The following GABRA1 variants were observed in gnomAD, a reference collection of about 807,000 sequenced individuals.
The protein encoded by GABRA1 is gamma-aminobutyric acid receptor subunit alpha-1.
Under a neutral mutation model 48.9 loss-of-function variants are expected in GABRA1, and 9 were observed. The ratio of observed to expected loss-of-function variants is 0.18; its 90% confidence interval spans 0.11 to 0.32. The LOEUF (loss-of-function observed/expected upper bound fraction) is 0.32. Ranked by LOEUF, GABRA1 falls within the 10% of genes least tolerant of loss-of-function variation. The pLI, the probability that GABRA1 is intolerant of heterozygous loss-of-function variation, is 1.00. For synonymous variants in GABRA1, 210 were observed against 198.7 expected (o/e 1.06, Z -0.48); for missense variants, 285 against 553.8 (o/e 0.51, Z 4.87).
intron 3 of GABRA1, among the ~76,000 whole-genome samples, chr5:161,857,453 T>C (rs1165939397): frequency 6.6e-6 from 1 of 151,554 alleles, no homozygotes; most frequent in East Asian, 1.9e-4. Context: ...GAAAACAAAA[T>C]ATATAACTTG....
intron 7 of GABRA1, among the ~76,000 whole-genome samples, chr5:161,884,132 G>A (rs1301462907): frequency 6.6e-6 from 1 of 152,024 alleles, no homozygotes; most frequent in East Asian, 1.9e-4. Context: ...TTATATAATA[G>A]GTACTCAAAT....
chr5:161,882,201 T>C (rs562335186), intron 6 of GABRA1: 123 of 342,870 alleles, frequency 3.6e-4, no homozygotes, highest in Admixed American at 2.8e-3. Flanking sequence ...TCTATCACAC[T>C]TATCTCTACT....
intron 3 of GABRA1, among the ~76,000 whole-genome samples, chr5:161,859,929 A>G (rs1757789071): frequency 6.6e-6 from 1 of 151,738 alleles, no homozygotes; most frequent in South Asian, 2.1e-4. Flanking sequence ...TTATGTTTTG[A>G]AATTCTACTC....
intron 6 of GABRA1, among the ~76,000 whole-genome samples, chr5:161,878,034 AC>A (rs1481057010): frequency 3.3e-5 from 5 of 152,160 alleles, no homozygotes; most frequent in Non-Finnish European, 5.9e-5. Flanking sequence ...TTATTGGTTA[AC>A]TTTTGTATTG....
At chr5:161,867,694 A>G (rs921553460) in intron 4 of GABRA1, among the ~76,000 whole-genome samples, 1 of 152,064 alleles carries the variant, frequency 6.6e-6, no homozygotes. Flanking sequence ...CCTCATGGAA[A>G]TTTCTTCTAC....
chr5:161,894,722 A>T (rs1755281181), intron 8 of GABRA1, among the ~76,000 whole-genome samples: 1 of 152,176 alleles, frequency 6.6e-6, no homozygotes, highest in Non-Finnish European at 1.5e-5. Context: ...TACTGAGTAT[A>T]GTGCATTACA....
intron 4 of GABRA1, among the ~76,000 whole-genome samples, chr5:161,869,653 A>G (rs1477543630): frequency 6.6e-6 from 1 of 152,200 alleles, no homozygotes; most frequent in Non-Finnish European, 1.5e-5. Context: ...ACAGGCAGGA[A>G]CACTTCAATA....
chr5:161,889,521 G>T (rs924520738), intron 7 of GABRA1, among the ~76,000 whole-genome samples: 4 of 152,010 alleles, frequency 2.6e-5, no homozygotes, highest in African/African-American at 9.7e-5. Flanking sequence ...CTGGTACTTG[G>T]GCTGGAACCA....
intron 1 of GABRA1, chr5:161,848,656 A>G (rs1022976210): frequency 1.8e-4 from 39 of 214,952 alleles, no homozygotes; most frequent in Middle Eastern, 1.9e-3. Context: ...AAACCGCAGC[A>G]ATATAAGAGC....
intron 7 of GABRA1, among the ~76,000 whole-genome samples, chr5:161,889,043 G>T (rs1436045640): frequency 1.3e-5 from 2 of 151,954 alleles, no homozygotes; most frequent in African/African-American, 4.8e-5. Context: ...TAACTAAAAT[G>T]CAAAGTATGA....
chr5:161,865,010 C>T (rs1280563570), intron 3 of GABRA1, among the ~76,000 whole-genome samples: 1 of 151,854 alleles, frequency 6.6e-6, no homozygotes, highest in Non-Finnish European at 1.5e-5. Flanking sequence ...CAGTATTTCT[C>T]TGGAAATGTC....
At chr5:161,848,566 C>CGAGT (rs1314440194) in intron 1 of GABRA1, 144 bp downstream of exon 1, 5 of 143,466 alleles carry the variant, frequency 3.5e-5, no homozygotes, top group African/African-American at 1.1e-4. Context: ...GGAGAGCGAG[C>CGAGT]GAGCGAGCAA....
At chr5:161,857,744 C>T (rs1430129678) in intron 3 of GABRA1, among the ~76,000 whole-genome samples, 1 of 151,486 alleles carries the variant, frequency 6.6e-6, no homozygotes, top group Non-Finnish European at 1.5e-5. Flanking sequence ...TTTAAATAGA[C>T]TTGAGTTAAA....
intron 3 of GABRA1, among the ~76,000 whole-genome samples, chr5:161,862,074 C>T (rs541444437): frequency 6.6e-6 from 1 of 151,932 alleles, no homozygotes; most frequent in African/African-American, 2.4e-5. Flanking sequence ...ACCTACAATT[C>T]TTTCTTATTC....
rs188424506 is a variant in GABRA1 at position 161,857,263 on chromosome 5, G to A, written c.187+2993G>A. 7.9e-5 allele frequency among the ~76,000 whole-genome samples: 12 copies of A among 151,328 alleles called. No homozygotes were observed. In the South Asian group the frequency reaches 1.0e-3, roughly 13 times the overall value. ...AAAGTAACAACATTATGCAAAAAAC[G>A]GGGATTTTTGCTTCTGAATGTCCTC... On this transcript the variant is annotated intron_variant, in intron 3 of 9. Coordinates refer to ENST00000393943, the MANE Select transcript of GABRA1 (RefSeq NM_001127644.2).
rs117556604 is a variant in GABRA1 at position 161,885,899 on chromosome 5, G to A, written c.703+3198G>A. ...CTTAAATCACTTGTTCATTTACTGT[G>A]TCTGACACGGTGACTGGGCTTGAAG... On this transcript the variant is annotated intron_variant, in intron 7 of 9. Transcript: ENST00000393943. 9.9e-4 allele frequency among the ~76,000 whole-genome samples: 151 copies of A among 152,202 alleles called. 1 individual carries two copies. In the East Asian group the frequency reaches 0.014, roughly 15 times the overall value.
chr5:161,853,409 C>G (rs548783901), intron 2 of GABRA1, among the ~76,000 whole-genome samples: 2 of 151,928 alleles, frequency 1.3e-5, no homozygotes, highest in South Asian at 2.1e-4. Flanking sequence ...TCAAGGTTTG[C>G]TCACAAATAG....
chr5:161,851,277 CT>C (rs1288601071), intron 2 of GABRA1, among the ~76,000 whole-genome samples: 1 of 151,964 alleles, frequency 6.6e-6, no homozygotes, highest in Non-Finnish European at 1.5e-5. Context: ...CATAGAGTAA[CT>C]TTTGTGTTTA....
At chr5:161,887,835 C>A (rs76364051) in intron 7 of GABRA1, among the ~76,000 whole-genome samples, 1,595 of 152,148 alleles carry the variant, frequency 0.01, 29 homozygotes, top group African/African-American at 0.036. Context: ...TGCTTTCACT[C>A]AGATTATGTA....
Sources: allele counts gnomAD v4.1 joint callset (sites outside exome capture counted in the v4.1 genomes callset), GRCh38; gene constraint gnomAD v4.1.1; transcripts MANE v1.5; gene names NCBI Gene and HGNC (gene_info 2026-07-23, HGNC 2026-07-21).